The following GRID2 variants were observed in gnomAD, a reference collection of about 807,000 sequenced individuals.
GRID2 encodes the protein glutamate receptor ionotropic, delta-2.
A neutral mutation model predicts 114.8 loss-of-function variants in GRID2; 33 were observed. The observed-to-expected ratio is 0.29, with a 90% CI of 0.22 to 0.38. The LOEUF (loss-of-function observed/expected upper bound fraction) is 0.38. Ranked by LOEUF, GRID2 falls within the 10% of genes least tolerant of loss-of-function variation. GRID2 has a pLI of 1.00. For synonymous variants in GRID2, 505 were observed against 449.9 expected (o/e 1.12, Z -1.55); for missense variants, 1,184 against 1,257.7 (o/e 0.94, Z 0.89).
chr4:92,944,688 C>T (rs1301378539), intron 2 of GRID2, among the ~76,000 whole-genome samples: 1 of 152,130 alleles, frequency 6.6e-6, no homozygotes, highest in African/African-American at 2.4e-5. Context: ...TCCTATTTGG[C>T]CATCTTCAAT....
chr4:93,078,425 A>G (rs1163077384), intron 2 of GRID2, among the ~76,000 whole-genome samples: 6 of 151,790 alleles, frequency 4.0e-5, no homozygotes, highest in South Asian at 2.1e-4. Context: ...ACTCTTGCCT[A>G]TTTTGGGCCA....
chr4:92,774,329 A>T (rs1219965337), intron 2 of GRID2, among the ~76,000 whole-genome samples: 1 of 152,168 alleles, frequency 6.6e-6, no homozygotes, highest in Non-Finnish European at 1.5e-5. Flanking sequence ...AGAGACTGGT[A>T]GTTCTAAATT....
At chr4:93,172,704 C>T (rs1337190041) in intron 4 of GRID2, among the ~76,000 whole-genome samples, 2 of 152,030 alleles carry the variant, frequency 1.3e-5, no homozygotes, top group East Asian at 3.9e-4. Flanking sequence ...TCCAAAACAA[C>T]TATTTAAAAA....
At chr4:93,239,691 C>T (rs1321665899) in intron 8 of GRID2, among the ~76,000 whole-genome samples, 3 of 151,490 alleles carry the variant, frequency 2.0e-5, no homozygotes, top group African/African-American at 7.3e-5. Context: ...GAAAGAACCA[C>T]TACTGTGGTC....
chr4:92,403,254 G>A (rs973799069), intron 1 of GRID2, among the ~76,000 whole-genome samples: 6 of 152,090 alleles, frequency 3.9e-5, no homozygotes, highest in Non-Finnish European at 2.9e-5. Context: ...TATTATTGAT[G>A]TTTTCACTTG....
intron 1 of GRID2, among the ~76,000 whole-genome samples, chr4:92,502,509 T>G (rs1168366887): frequency 6.6e-6 from 1 of 152,036 alleles, no homozygotes; most frequent in East Asian, 1.9e-4. Context: ...CATGATACAT[T>G]AGAAAGAAAT....
At chr4:92,862,983 C>A (rs371002918) in intron 2 of GRID2, among the ~76,000 whole-genome samples, 16 of 152,126 alleles carry the variant, frequency 1.1e-4, no homozygotes, top group African/African-American at 3.9e-4. Flanking sequence ...TAATTATCTC[C>A]CACTAGCTCT....
At chr4:92,848,218 AT>A (rs72175096) in intron 2 of GRID2, among the ~76,000 whole-genome samples, 40,289 of 142,520 alleles carry the variant, frequency 0.28, 5,870 homozygotes, top group Admixed American at 0.45. Flanking sequence ...ACATTCAGGG[AT>A]TTTTTTTTTT....
intron 2 of GRID2, among the ~76,000 whole-genome samples, chr4:92,839,306 T>C (rs920252657): frequency 4.0e-5 from 6 of 151,606 alleles, no homozygotes; most frequent in African/African-American, 9.7e-5. Flanking sequence ...TTAGGGTACA[T>C]GTGCACAATG....
chr4:93,023,093 T>TTG (rs370431407), intron 2 of GRID2, among the ~76,000 whole-genome samples: 9,997 of 143,796 alleles, frequency 0.07, 528 homozygotes, highest in East Asian at 0.24. Context: ...CAGAGAACAT[T>TTG]TGTGTGTGTG....
At chr4:92,383,554 C>T (rs919099687) in intron 1 of GRID2, among the ~76,000 whole-genome samples, 1 of 151,934 alleles carries the variant, frequency 6.6e-6, no homozygotes, top group African/African-American at 2.4e-5. Context: ...AGAAAGCCCC[C>T]TTAAAAGATA....
chr4:93,043,170 A>G (rs1725767979), intron 2 of GRID2, among the ~76,000 whole-genome samples: 2 of 152,172 alleles, frequency 1.3e-5, no homozygotes, highest in Admixed American at 6.6e-5. Context: ...TTGACTGAAA[A>G]TGAATTATGG....
intron 4 of GRID2, among the ~76,000 whole-genome samples, chr4:93,174,769 A>C (rs1444631262): frequency 6.6e-6 from 1 of 152,058 alleles, no homozygotes; most frequent in Non-Finnish European, 1.5e-5. Context: ...TAAATAAATA[A>C]ATTTCTGTTG....
chr4:92,656,137 C>G lies in GRID2; in HGVS notation c.244+65851C>G, dbSNP rs535221697. Among the ~76,000 whole-genome samples the G allele has an allele frequency of 2.6e-5, 4 of 151,700 alleles. No individual in the cohort carries two copies. In the East Asian group the frequency reaches 7.8e-4, roughly 29 times the overall value. Reference sequence around the variant, plus strand: ...CATACTATTTTTTATAATTGCTGTACTAACTGGTTTGCCTAGCAAGAGTAT... The same window carrying G: ...CATACTATTTTTTATAATTGCTGTAGTAACTGGTTTGCCTAGCAAGAGTAT... On this transcript the variant is annotated intron_variant, in intron 2 of 15. Coordinates refer to ENST00000282020, the MANE Select transcript of GRID2 (RefSeq NM_001510.4).
rs869285420 is a variant in GRID2, at chr4:92,965,450, T to TAAA, written c.245-119508_245-119506dup. 1.1e-3 allele frequency among the ~76,000 whole-genome samples: 93 copies of TAAA among 85,706 alleles called. 3 individuals are homozygous for TAAA. Among genetic ancestry groups the TAAA allele is most frequent in the Non-Finnish European group, 1.4e-3 (58 of 41,782 alleles). 56.2% of individuals were successfully genotyped at this position (85,706 alleles called of 152,430 possible). A position where few individuals can be genotyped will look rare whatever the true frequency, so the allele number is the denominator to read the frequency against. ...AGGGTTGCCATAAACATTCAATTTG[T>TAAA]AAAAAAAAAAAAAAAAAAAAAAAAA... On this transcript the variant is annotated intron_variant, in intron 2 of 15. Transcript: ENST00000282020.
At chr4:93,036,995 G>T (rs1027423225) in intron 2 of GRID2, among the ~76,000 whole-genome samples, 1 of 152,080 alleles carries the variant, frequency 6.6e-6, no homozygotes, top group Non-Finnish European at 1.5e-5. Context: ...CAGATTGTTG[G>T]TCCTAGGATA....
At chr4:93,677,792 A>G (rs1461026296) in intron 14 of GRID2, among the ~76,000 whole-genome samples, 2 of 152,208 alleles carry the variant, frequency 1.3e-5, no homozygotes. Context: ...CATCACCAGC[A>G]TCAAAGACCA....
At chr4:92,516,747 G>T (rs895928770) in intron 1 of GRID2, among the ~76,000 whole-genome samples, 34 of 151,928 alleles carry the variant, frequency 2.2e-4, no homozygotes, top group African/African-American at 8.0e-4. Context: ...TTACTGTGCA[G>T]GCTTCCTGCA....
intron 1 of GRID2, among the ~76,000 whole-genome samples, chr4:92,435,186 C>T (rs564939300): frequency 3.3e-5 from 5 of 152,210 alleles, no homozygotes; most frequent in African/African-American, 4.8e-5. Context: ...GCCACCAAAC[C>T]GGATTTGTGT....
Sources: gnomAD v4.1 joint callset for allele counts (sites outside exome capture counted in the v4.1 genomes callset) on GRCh38, gnomAD v4.1.1 for gene constraint, MANE v1.5 for transcripts, NCBI Gene and HGNC (gene_info 2026-07-23, HGNC 2026-07-21) for gene names.